The following LINC00305 variants were observed in gnomAD, a reference collection of about 807,000 sequenced individuals.
The protein encoded by LINC00305 is long independently transcribed non-coding RNA 305.
At chr18:64,116,053 A>G (rs942565533) in intron 1 of LINC00305, among the ~76,000 whole-genome samples, 1 of 152,184 alleles carries the variant, frequency 6.6e-6, no homozygotes, top group Non-Finnish European at 1.5e-5. Context: ...TTAGCTCTTA[A>G]AAGCTCTCCA....
chr18:64,128,204 G>T (rs1015659789), intron 1 of LINC00305, among the ~76,000 whole-genome samples: 21 of 152,068 alleles, frequency 1.4e-4, no homozygotes, highest in African/African-American at 4.8e-4. Flanking sequence ...AAATAGAAAA[G>T]GTGATTCTCT....
intron 1 of LINC00305, among the ~76,000 whole-genome samples, chr18:64,120,325 G>C (rs908993695): frequency 2.0e-5 from 3 of 151,992 alleles, no homozygotes; most frequent in Non-Finnish European, 4.4e-5. Flanking sequence ...TAATAGTTAA[G>C]TTTAGAGAAA....
intron 1 of LINC00305, among the ~76,000 whole-genome samples, chr18:64,143,722 G>C (rs1363944236): frequency 1.3e-5 from 2 of 150,074 alleles, no homozygotes; most frequent in African/African-American, 4.9e-5. Context: ...CATATTATGC[G>C]TACATGTATG....
At chr18:64,088,167 G>C (rs1180901304) in intron 3 of LINC00305, among the ~76,000 whole-genome samples, 3 of 151,988 alleles carry the variant, frequency 2.0e-5, no homozygotes, top group Non-Finnish European at 4.4e-5. Flanking sequence ...AAGTCAGAGA[G>C]AAGCAAGATC....
chr18:64,123,180 G>A (rs2051369519), intron 1 of LINC00305, among the ~76,000 whole-genome samples: 1 of 151,906 alleles, frequency 6.6e-6, no homozygotes, highest in South Asian at 2.1e-4. Flanking sequence ...TCTTTTCCTT[G>A]CCTGGTTTAT....
At chr18:64,091,317 C>T (rs1047878128) in intron 3 of LINC00305, among the ~76,000 whole-genome samples, 1 of 152,220 alleles carries the variant, frequency 6.6e-6, no homozygotes, top group South Asian at 2.1e-4. Context: ...TTCACCTGAG[C>T]TCTGTGCTCA....
chr18:64,096,927 T>C lies in LINC00305; in HGVS notation n.540+907A>G, dbSNP rs544523783. On this transcript the variant is annotated intron_variant and non_coding_transcript_variant, in intron 3 of 3. Transcript: ENST00000666468. ...TAATAATAATAATGGCCAAAATAACTAGAGGAATAATATTTTTATATAACT... is the reference window on the plus strand; with the variant it reads ...TAATAATAATAATGGCCAAAATAACCAGAGGAATAATATTTTTATATAACT... 3.3e-5 allele frequency among the ~76,000 whole-genome samples: 5 copies of C among 151,972 alleles called. No homozygotes were observed. The South Asian group carries it at 1.0e-3, about 31-fold the overall frequency.
At chr18:64,084,692 T>C (rs1568102654) in intron 3 of LINC00305, among the ~76,000 whole-genome samples, 1 of 151,866 alleles carries the variant, frequency 6.6e-6, no homozygotes, top group South Asian at 2.1e-4. Context: ...ATCTGCAGGG[T>C]TCGTGCATCC....
intron 1 of LINC00305, among the ~76,000 whole-genome samples, chr18:64,106,804 G>T (rs2051292797): frequency 6.6e-6 from 1 of 152,028 alleles, no homozygotes; most frequent in Admixed American, 6.6e-5. Flanking sequence ...AAAGAAAAAT[G>T]AAACACAACT....
chr18:64,081,496 G>GA (rs1354016123), intron 3 of LINC00305, among the ~76,000 whole-genome samples: 1 of 152,118 alleles, frequency 6.6e-6, no homozygotes, highest in African/African-American at 2.4e-5. Flanking sequence ...AGTCACAAAG[G>GA]AAAAAATGTT....
intron 1 of LINC00305, among the ~76,000 whole-genome samples, chr18:64,147,710 G>A (rs955398014): frequency 6.6e-6 from 1 of 152,156 alleles, no homozygotes; most frequent in Non-Finnish European, 1.5e-5. Flanking sequence ...ATTGCACTGG[G>A]ATGCAAAGGG....
At chr18:64,102,115 TA>T (rs2051269797) in intron 1 of LINC00305, among the ~76,000 whole-genome samples, 1 of 152,146 alleles carries the variant, frequency 6.6e-6, no homozygotes, top group Non-Finnish European at 1.5e-5. Context: ...TTCATATCAG[TA>T]ATATTTGAAA....
At chr18:64,107,004 A>T (rs977208967) in intron 1 of LINC00305, among the ~76,000 whole-genome samples, 2 of 152,162 alleles carry the variant, frequency 1.3e-5, no homozygotes, top group Non-Finnish European at 2.9e-5. Flanking sequence ...ATAGGGTATA[A>T]TTGATGTGCA....
intron 1 of LINC00305, among the ~76,000 whole-genome samples, chr18:64,110,966 T>C (rs1039308058): frequency 1.3e-5 from 2 of 152,206 alleles, no homozygotes; most frequent in African/African-American, 4.8e-5. Flanking sequence ...GGAGTGTTTT[T>C]CTACATCCTG....
intron 1 of LINC00305, among the ~76,000 whole-genome samples, chr18:64,105,684 C>T (rs2051287501): frequency 6.6e-6 from 1 of 152,088 alleles, no homozygotes. Context: ...GTGCACTTAT[C>T]CCCCAACATT....
At chr18:64,115,370 A>G (rs1330157268) in intron 1 of LINC00305, among the ~76,000 whole-genome samples, 1 of 152,202 alleles carries the variant, frequency 6.6e-6, no homozygotes, top group Non-Finnish European at 1.5e-5. Context: ...TGCATGAGGC[A>G]AGGAAGCCTC....
chr18:64,139,404 C>T (rs767313333), intron 1 of LINC00305: 1 of 152,184 alleles, frequency 6.6e-6, no homozygotes, highest in Admixed American at 6.5e-5. Flanking sequence ...AGGAGAGCCA[C>T]TTTGGTGCTC....
chr18:64,101,297 G>T (rs543144208), intron 1 of LINC00305, among the ~76,000 whole-genome samples: 1 of 152,270 alleles, frequency 6.6e-6, no homozygotes, highest in African/African-American at 2.4e-5. Flanking sequence ...TGGGAACAAT[G>T]CCCTCTGTAT....
At chr18:64,123,418 T>C (rs542909631) in intron 1 of LINC00305, among the ~76,000 whole-genome samples, 9 of 152,154 alleles carry the variant, frequency 5.9e-5, no homozygotes, top group African/African-American at 2.2e-4. Context: ...AATTTCAGAA[T>C]CAAATCAGAC....
Sources: allele counts gnomAD v4.1 joint callset (sites outside exome capture counted in the v4.1 genomes callset), GRCh38; gene constraint gnomAD v4.1.1; transcripts MANE v1.5; gene names NCBI Gene and HGNC (gene_info 2026-07-23, HGNC 2026-07-21).